Variants in ENTREP2 observed in about 807,000 individuals in gnomAD.
The protein encoded by ENTREP2 is protein ENTREP2.
the ENTREP2 span, among the ~76,000 whole-genome samples, chr15:29,209,501 C>CAAAACA: frequency 2.6e-5 from 4 of 151,974 alleles, no homozygotes; most frequent in Non-Finnish European, 2.9e-5. Flanking sequence ...GACTCCGTCT[C>CAAAACA]AAAACAAAAA....
At chr15:29,136,871 T>G in the ENTREP2 span, among the ~76,000 whole-genome samples, 45 of 152,316 alleles carry the variant, frequency 3.0e-4, no homozygotes, top group African/African-American at 9.6e-4. Flanking sequence ...CGGGTTGCGT[T>G]GCAAAGGTGC....
At chr15:29,254,160 G>GA in the ENTREP2 span, among the ~76,000 whole-genome samples, 2 of 4,506 alleles carry the variant, frequency 4.4e-4, no homozygotes, top group South Asian at 8.3e-3. Context: ...TTGTTAAAGA[G>GA]CAAAAAAAAA....
At chr15:29,302,752 A>G in the ENTREP2 span, among the ~76,000 whole-genome samples, 4 of 152,204 alleles carry the variant, frequency 2.6e-5, no homozygotes, top group Non-Finnish European at 4.4e-5. Flanking sequence ...ACCCTTGAGC[A>G]ATTTGCAAGG....
chr15:29,462,926 G>C, the ENTREP2 span, among the ~76,000 whole-genome samples: 37 of 152,218 alleles, frequency 2.4e-4, no homozygotes, highest in Non-Finnish European at 4.3e-4. Flanking sequence ...AAATAATGAA[G>C]GGTAGGAAGT....
the ENTREP2 span, among the ~76,000 whole-genome samples, chr15:29,664,245 G>A: frequency 1.7e-3 from 264 of 152,202 alleles, no homozygotes; most frequent in South Asian, 3.3e-3. Flanking sequence ...ATGTGCATGT[G>A]GTCATTCCAC....
the ENTREP2 span, among the ~76,000 whole-genome samples, chr15:29,248,755 T>C: frequency 6.6e-6 from 1 of 152,184 alleles, no homozygotes; most frequent in Non-Finnish European, 1.5e-5. Flanking sequence ...CTTTCAGTGC[T>C]GGCAAAGGTG....
At chr15:29,504,391 C>T in the ENTREP2 span, among the ~76,000 whole-genome samples, 1 of 152,000 alleles carries the variant, frequency 6.6e-6, no homozygotes, top group Non-Finnish European at 1.5e-5. Flanking sequence ...AATGACATCA[C>T]AGTTAAAACC....
the ENTREP2 span, among the ~76,000 whole-genome samples, chr15:29,353,480 TA>T: frequency 1.3e-5 from 2 of 152,194 alleles, no homozygotes; most frequent in South Asian, 4.1e-4. Flanking sequence ...TGTATACACA[TA>T]AGCGTATGAA....
At chr15:29,158,991 A>C in the ENTREP2 span, among the ~76,000 whole-genome samples, 2 of 152,242 alleles carry the variant, frequency 1.3e-5, no homozygotes, top group African/African-American at 4.8e-5. Context: ...GACAATGTAC[A>C]TACATATAGC....
the ENTREP2 span, among the ~76,000 whole-genome samples, chr15:29,484,658 T>C: frequency 6.6e-6 from 1 of 152,160 alleles, no homozygotes; most frequent in African/African-American, 2.4e-5. Flanking sequence ...TTTTTTAAAG[T>C]AATCATGATA....
the ENTREP2 span, among the ~76,000 whole-genome samples, chr15:29,577,645 G>T: frequency 6.6e-6 from 1 of 152,254 alleles, no homozygotes; most frequent in African/African-American, 2.4e-5. Flanking sequence ...TAATACCCAT[G>T]TTCATAGCAT....
At chr15:29,314,026 T>C in the ENTREP2 span, among the ~76,000 whole-genome samples, 4 of 152,136 alleles carry the variant, frequency 2.6e-5, no homozygotes, top group East Asian at 1.9e-4. Context: ...GCAGGAGAAT[T>C]AGAATTAGAA....
chr15:29,441,183 CTG>C, the ENTREP2 span, among the ~76,000 whole-genome samples: 2 of 152,180 alleles, frequency 1.3e-5, no homozygotes, highest in Admixed American at 1.3e-4. Context: ...CCTGAGGACA[CTG>C]TGCTGAGCAA....
chr15:29,423,559 G>A, the ENTREP2 span, among the ~76,000 whole-genome samples: 72 of 151,900 alleles, frequency 4.7e-4, 1 homozygote, highest in Admixed American at 2.5e-3. Context: ...AGGCCAAGGC[G>A]GGCGGATCAC....
the ENTREP2 span, among the ~76,000 whole-genome samples, chr15:29,160,031 C>T: frequency 2.0e-5 from 3 of 152,356 alleles, no homozygotes; most frequent in East Asian, 5.8e-4. Context: ...GGGGGAGGCT[C>T]AGGCATGGTA....
At chr15:29,127,840 T>C in the ENTREP2 span, among the ~76,000 whole-genome samples, 6 of 152,170 alleles carry the variant, frequency 3.9e-5, no homozygotes, top group Admixed American at 3.9e-4. Context: ...GCTGCAGGTG[T>C]GGCCGCCCTG....
chr15:29,334,757 C>T, the ENTREP2 span, among the ~76,000 whole-genome samples: 1 of 152,128 alleles, frequency 6.6e-6, no homozygotes, highest in East Asian at 1.9e-4. Context: ...CTCTGGGACA[C>T]GGGAGGCTGA....
the ENTREP2 span, among the ~76,000 whole-genome samples, chr15:29,532,675 A>G: frequency 6.6e-6 from 1 of 152,336 alleles, no homozygotes; most frequent in Non-Finnish European, 1.5e-5. Context: ...CTAAGTTCCA[A>G]TTTTTAAAAC....
At chr15:29,311,692 C>A in the ENTREP2 span, among the ~76,000 whole-genome samples, 4 of 151,796 alleles carry the variant, frequency 2.6e-5, no homozygotes, top group Admixed American at 6.6e-5. Context: ...TCCATCCCCC[C>A]CCCAAAAAAA....
Sources: allele counts gnomAD v4.1 joint callset (sites outside exome capture counted in the v4.1 genomes callset), GRCh38; gene constraint gnomAD v4.1.1; transcripts MANE v1.5; gene names NCBI Gene and HGNC (gene_info 2026-07-23, HGNC 2026-07-21).